The following CROCC2 variants were observed in gnomAD, a reference collection of about 807,000 sequenced individuals.
CROCC2 encodes ciliary rootlet coiled-coil protein 2.
CROCC2 carries 163 observed loss-of-function variants against 177.6 expected under a neutral mutation model. That is an observed-to-expected ratio of 0.92 (90% CI 0.81 to 1.05). The LOEUF is 1.05. CROCC2 is among the 50% of genes least tolerant of loss of function. CROCC2 has a pLI of 0.00. For synonymous variants in CROCC2, 904 were observed against 787.3 expected (o/e 1.15, Z -2.48); for missense variants, 1,929 against 1,797.8 (o/e 1.07, Z -1.32).
At chr2:240,915,917 T>C (rs1201863597) in intron 1 of CROCC2, among the ~76,000 whole-genome samples, 1 of 152,162 alleles carries the variant, frequency 6.6e-6, no homozygotes, top group Non-Finnish European at 1.5e-5. Context: ...AGCCCTGGTG[T>C]TCCCTCCCAC....
chr2:240,935,416 C>A lies in CROCC2; in HGVS notation c.1997C>A (p.Ala666Asp). The A allele has an allele frequency of 7.3e-7, 1 of 1,377,882 alleles. No individual in the cohort carries two copies. Among genetic ancestry groups the A allele is most frequent in the African/African-American group, 1.5e-5 (1 of 66,236 alleles). 85.4% of individuals were successfully genotyped at this position (1,377,882 alleles called of 1,614,324 possible). A position where few individuals can be genotyped will look rare whatever the true frequency, so the allele number is the denominator to read the frequency against. Residue 666 changes from alanine (A) to aspartate (D), a missense_variant, in exon 14 of 32, where the codon GCC (alanine) becomes GAC (aspartate). Coordinates refer to ENST00000690015, the MANE Select transcript of CROCC2 (RefSeq NM_001351305.2). Reference protein sequence around the residue: ...EQRKTLEQERARAGEQLAQAE... With the variant: ...EQRKTLEQERDRAGEQLAQAE... ...CGGAAGACTCTGGAGCAGGAACGGG[C>A]CCGGGCCGGGGAGCAGCTGGCACAG...
At chr2:240,940,231 T>C (rs1248407410) in intron 14 of CROCC2, among the ~76,000 whole-genome samples, 1 of 152,194 alleles carries the variant, frequency 6.6e-6, no homozygotes. Flanking sequence ...CAGCCAATTT[T>C]TGCTTCATGT....
intron 19 of CROCC2, chr2:240,957,862 C>T (rs1027078492): frequency 8.9e-6 from 5 of 560,208 alleles, no homozygotes; most frequent in Non-Finnish European, 1.1e-5. Context: ...TCCCTCCTCC[C>T]GACCACTGGC....
chr2:240,969,653 AGTCACAT>A (rs2059708292), intron 27 of CROCC2, among the ~76,000 whole-genome samples: 1 of 152,222 alleles, frequency 6.6e-6, no homozygotes, highest in African/African-American at 2.4e-5. Context: ...TTATGTGTAT[AGTCACAT>A]GTATGTCTCC....
At position 240,931,059 on chromosome 2, in the gene CROCC2, G is replaced by C. The variant is rs572599370; in HGVS notation, c.878G>C (p.Arg293Pro). Residue 293 changes from arginine to proline, a missense_variant, in exon 7 of 32, where the codon CGG becomes CCG. Physicochemically the swap from Arg to Pro is moderately radical, Grantham distance 103 (BLOSUM62 -2). Transcript: ENST00000690015. ...GCCAGCACCCTGGGGCAGCAGCTTC[G>C]GGACAAGGCTGGGGAGATGCTGCAG... Reference protein sequence around the residue: ...STASTLGQQLRDKAGEMLQLQ... With the variant: ...STASTLGQQLPDKAGEMLQLQ... 1.4e-6 allele frequency: 1 copy of C among 716,538 alleles called. No individual in the cohort carries two copies. The highest frequency in any genetic ancestry group is 2.6e-6 in the Non-Finnish European group (1 of 384,774). 44.4% of individuals were successfully genotyped at this position (716,538 alleles called of 1,614,324 possible).
chr2:240,966,940 C>T (rs532118039), intron 25 of CROCC2, among the ~76,000 whole-genome samples: 8 of 152,112 alleles, frequency 5.3e-5, no homozygotes, highest in African/African-American at 1.2e-4. Flanking sequence ...TCCTTCCCTT[C>T]GGGCCCACCC....
At chr2:240,928,710 C>A (rs1046864817) in intron 5 of CROCC2, among the ~76,000 whole-genome samples, 1 of 152,174 alleles carries the variant, frequency 6.6e-6, no homozygotes, top group Non-Finnish European at 1.5e-5. Flanking sequence ...ACAGCAGGCA[C>A]GGGGTGGCAT....
Position 240,930,289 on chromosome 2 carries a change from C to G in CROCC2, c.749+20C>G, listed in dbSNP as rs960452559. ...TGAGAGGTGAGTGCCAGCCGCCCCA[C>G]CTGGGGCCAGGCACCAGGCTGCAGG... On this transcript the variant is annotated intron_variant, in intron 6 of 31. Coordinates refer to ENST00000690015, the MANE Select transcript of CROCC2 (RefSeq NM_001351305.2). 13 of 496,350 alleles carry G rather than the reference C, an allele frequency of 2.6e-5. No individual in the cohort carries two copies. In the Admixed American group the frequency reaches 2.7e-4, roughly 10 times the overall value. The allele number at this position is 496,350 out of a possible 1,614,324, so 30.7% of individuals were successfully genotyped here.
intron 4 of CROCC2, among the ~76,000 whole-genome samples, chr2:240,923,121 G>A (rs1229297012): frequency 6.6e-6 from 1 of 152,076 alleles, no homozygotes; most frequent in African/African-American, 2.4e-5. Flanking sequence ...GACGGGACTG[G>A]TGCCAGCCTT....
At chr2:240,930,017 G>A in intron 5 of CROCC2, 149 bp from the exon 6 acceptor site, 2 of 537,916 alleles carry the variant, frequency 3.7e-6, no homozygotes, top group Non-Finnish European at 6.8e-6. Context: ...GGGAGCCCAG[G>A]GCTCATTTGC....
chr2:240,914,723 G>A (rs1008233675), intron 1 of CROCC2, among the ~76,000 whole-genome samples: 2 of 152,158 alleles, frequency 1.3e-5, no homozygotes, highest in African/African-American at 2.4e-5. Flanking sequence ...CGGGGGTCCC[G>A]ATGGACGTGC....
intron 20 of CROCC2, among the ~76,000 whole-genome samples, chr2:240,961,795 T>A (rs1304380747): frequency 2.5e-5 from 2 of 81,540 alleles, no homozygotes; most frequent in African/African-American, 6.0e-5. Context: ...ACACACGCAC[T>A]CACACATACA....
intron 27 of CROCC2, among the ~76,000 whole-genome samples, chr2:240,971,704 T>C (rs1278361801): frequency 6.6e-6 from 1 of 152,102 alleles, no homozygotes; most frequent in Non-Finnish European, 1.5e-5. Context: ...TTCCTTCCAC[T>C]GTAAAAAAAA....
chr2:240,933,124 C>G lies in CROCC2; in HGVS notation c.1252-7C>G. 6.5e-7 allele frequency: 1 copy of G among 1,550,098 alleles called. No homozygotes were observed. Among genetic ancestry groups the G allele is most frequent in the Non-Finnish European group, 8.7e-7 (1 of 1,146,866 alleles). On this transcript the variant is annotated splice_region_variant and splice_polypyrimidine_tract_variant and intron_variant, in intron 9 of 31. Coordinates refer to ENST00000690015, the MANE Select transcript of CROCC2 (RefSeq NM_001351305.2). Reference sequence around the variant, plus strand: ...AGAGAGGCCCACAACTTACCCCACCCGAGCAGGAGCTGTGCCTGCAGCTGA... The same window carrying G: ...AGAGAGGCCCACAACTTACCCCACCGGAGCAGGAGCTGTGCCTGCAGCTGA...
Position 240,949,748 on chromosome 2 carries a change from G to A in CROCC2, c.2652+46G>A. Reference sequence around the variant, plus strand: ...CCAGTAGCTTCCTAGAAGGCTACCAGGTCCCGGGGAATGGCAGGCCCTTGG... The same window carrying A: ...CCAGTAGCTTCCTAGAAGGCTACCAAGTCCCGGGGAATGGCAGGCCCTTGG... On this transcript the variant is annotated intron_variant, in intron 17 of 31. Transcript: ENST00000690015. This position sits in a 1 kb window ranked among gnomAD's most constrained non-coding sequence, Gnocchi z 4.5. The A allele has an allele frequency of 6.7e-7, 1 of 1,502,916 alleles. No individual in the cohort carries two copies. Among genetic ancestry groups the A allele is most frequent in the Middle Eastern group, 2.4e-4 (1 of 4,118 alleles). The allele number at this position is 1,502,916 out of a possible 1,614,324, so 93.1% of individuals were successfully genotyped here. A position where few individuals can be genotyped will look rare whatever the true frequency, so the allele number is the denominator to read the frequency against.
At chr2:240,945,911 G>A in intron 14 of CROCC2, 149 bp from the exon 15 acceptor site, 1 of 601,752 alleles carries the variant, frequency 1.7e-6, no homozygotes. Context: ...ATGTGTTTCT[G>A]AGATCCACCC....
intron 1 of CROCC2, among the ~76,000 whole-genome samples, chr2:240,913,376 G>A (rs1472239998): frequency 1.3e-5 from 2 of 152,222 alleles, no homozygotes; most frequent in African/African-American, 4.8e-5. Context: ...CAGGGACACA[G>A]GGATAAACAG....
At chr2:240,939,052 T>C (rs2059483655) in intron 14 of CROCC2, among the ~76,000 whole-genome samples, 2 of 152,142 alleles carry the variant, frequency 1.3e-5, no homozygotes, top group African/African-American at 2.4e-5. Context: ...TGAATATAAG[T>C]GGTGAGAGTG....
chr2:240,926,924 G>A (rs145727846), intron 5 of CROCC2, among the ~76,000 whole-genome samples: 2,184 of 152,360 alleles, frequency 0.014, 49 homozygotes, highest in African/African-American at 0.05. Flanking sequence ...CCTGGTCCCT[G>A]TCCTTGGACC....
Sources: allele counts gnomAD v4.1 joint callset (sites outside exome capture counted in the v4.1 genomes callset), GRCh38; gene constraint gnomAD v4.1.1; non-coding constraint Gnocchi (gnomAD v3.1); transcripts MANE v1.5; gene names NCBI Gene and HGNC (gene_info 2026-07-23, HGNC 2026-07-21).